Variants in MAST4 observed in about 807,000 individuals in gnomAD.
MAST4 encodes the protein microtubule associated serine/threonine kinase family member 4, also known as microtubule-associated serine/threonine-protein kinase 4.
Under a neutral mutation model 162.7 loss-of-function variants are expected in MAST4, and 89 were observed. That is an observed-to-expected ratio of 0.55 (90% CI 0.46 to 0.65). The LOEUF (loss-of-function observed/expected upper bound fraction) is 0.65, where lower values mean the gene tolerates loss of function less well. Ranked by LOEUF, MAST4 falls within the 30% of genes least tolerant of loss-of-function variation. The pLI is 0.00. For missense variants in MAST4, 3,153 were observed against 3,374.0 expected, an observed-to-expected ratio of 0.93 and a Z score of 1.62; for synonymous variants, 1,479 against 1,361.1, an observed-to-expected ratio of 1.09 and a Z score of -1.91.
intron 3 of MAST4, among the ~76,000 whole-genome samples, chr5:66,805,593 A>G (rs1389691300): frequency 2.6e-5 from 4 of 152,174 alleles, no homozygotes; most frequent in South Asian, 4.1e-4. Context: ...TTGGGTTGTC[A>G]TTGGGGAATC....
chr5:66,618,190 C>G (rs1743840538), intron 1 of MAST4, among the ~76,000 whole-genome samples: 1 of 152,212 alleles, frequency 6.6e-6, no homozygotes, highest in Non-Finnish European at 1.5e-5. Flanking sequence ...ACGGCCTTTT[C>G]TGCGCAGGAA....
intron 4 of MAST4, among the ~76,000 whole-genome samples, chr5:67,040,136 A>G (rs1400307444): frequency 9.9e-5 from 15 of 152,186 alleles, no homozygotes; most frequent in Admixed American, 9.8e-4. Flanking sequence ...GATGCTTCAT[A>G]TCACAAATCT....
rs532463030 is a variant in MAST4 at position 67,164,378 on chromosome 5, G to T, written c.5199G>T (p.Pro1733=). ...CCACGGGTGGGCAGCAGGAGCCCCC[G>T]CCGGCTTCTGAGAGCCGAGCTTTTG... ...VRPTGGQQEP[P]PASESRAFVS... The change falls in exon 29 of 29, where the codon CCG becomes CCT. Residue 1733 remains proline (P), a synonymous_variant. Transcript: ENST00000403625. The surrounding 1 kb of genome is among the most constrained non-coding windows in gnomAD (Gnocchi z 5.3). 1.7e-5 allele frequency: 28 copies of T among 1,613,970 alleles called. No homozygotes were observed. In the East Asian group the frequency reaches 5.8e-4, roughly 33 times the overall value.
At position 67,032,669 on chromosome 5, in the gene MAST4, G is replaced by A. The variant is rs58082347; in HGVS notation, c.675-21735G>A. Among the ~76,000 whole-genome samples, 447 of 152,226 alleles carry A rather than the reference G, an allele frequency of 2.9e-3. 15 individuals are homozygous for A. The East Asian group carries it at 0.076, about 26-fold the overall frequency. On this transcript the variant is annotated intron_variant, in intron 4 of 28. Coordinates refer to ENST00000403625, the MANE Select transcript of MAST4 (RefSeq NM_001164664.2). ...AGCATAGTCTGGTCTGTCTGGATCA[G>A]TGGTTTACCTATTTCATATGGTCAC...
At chr5:66,682,715 A>G (rs1324800441) in intron 1 of MAST4, among the ~76,000 whole-genome samples, 1 of 152,224 alleles carries the variant, frequency 6.6e-6, no homozygotes, top group East Asian at 1.9e-4. Flanking sequence ...GTAGGGAACA[A>G]ATAACTGCAT....
intron 13 of MAST4, among the ~76,000 whole-genome samples, 195 bp downstream of exon 13, chr5:67,118,944 C>G (rs1378315569): frequency 6.6e-6 from 1 of 152,130 alleles, no homozygotes; most frequent in East Asian, 1.9e-4. Flanking sequence ...CATAGTCTGT[C>G]CAGTCCCAGA....
chr5:66,808,057 T>C (rs1007163104), intron 3 of MAST4, among the ~76,000 whole-genome samples: 5 of 152,230 alleles, frequency 3.3e-5, no homozygotes, highest in Non-Finnish European at 5.9e-5. Context: ...TTTGAAACTC[T>C]GCAGACAGTC....
rs574477723 is a variant in MAST4, at chr5:66,822,170, G to A, written c.642+33376G>A. ...CATGGGGACTGGCTCTCAGCACCTG[G>A]TACTTCTAAGTACACTGGGGAGGCA... On this transcript the variant is annotated intron_variant, in intron 3 of 28. Transcript: ENST00000403625. 3.3e-5 allele frequency among the ~76,000 whole-genome samples: 5 copies of A among 152,312 alleles called. No individual in the cohort carries two copies. The South Asian group carries it at 6.2e-4, about 19-fold the overall frequency.
intron 3 of MAST4, among the ~76,000 whole-genome samples, chr5:66,876,941 A>T (rs2149891463): frequency 6.6e-6 from 1 of 152,360 alleles, no homozygotes; most frequent in East Asian, 1.9e-4. Flanking sequence ...AAGCTTAAAA[A>T]ATCAATTCTG....
At chr5:67,077,487 C>T (rs1265781488) in intron 5 of MAST4, among the ~76,000 whole-genome samples, 1 of 152,204 alleles carries the variant, frequency 6.6e-6, no homozygotes, top group Non-Finnish European at 1.5e-5. Flanking sequence ...TGACGAATCA[C>T]CTGGAGTACT....
chr5:66,788,738 G>C lies in MAST4; in HGVS notation c.586G>C (p.Val196Leu), dbSNP rs369899614. The C allele has an allele frequency of 2.2e-5, 35 of 1,612,808 alleles. No homozygotes were observed. In the African/African-American group the frequency reaches 3.5e-4, roughly 16 times the overall value. The change falls in exon 3 of 29, where the codon GTG becomes CTG. Residue 196 changes from valine to leucine, a missense_variant. Transcript: ENST00000403625. ...WPASAETSNL[V>L]RMRSQALGQS... ...GGCCTCTGCAGAGACGTCCAACCTC[G>C]TGCGCATGCGCAGCCAGGCCCTGGG...
chr5:66,678,579 C>T (rs1748111701), intron 1 of MAST4, among the ~76,000 whole-genome samples: 1 of 151,844 alleles, frequency 6.6e-6, no homozygotes, highest in South Asian at 2.1e-4. Context: ...ACTGCAACCT[C>T]TGCCTCCTGG....
At chr5:66,943,469 G>A (rs565385763) in intron 4 of MAST4, among the ~76,000 whole-genome samples, 1 of 152,132 alleles carries the variant, frequency 6.6e-6, no homozygotes, top group African/African-American at 2.4e-5. Context: ...ATTGAGTACA[G>A]GGAAGTTTCA....
Position 67,149,714 on chromosome 5 carries a change from A to G in MAST4, c.3295+125A>G, listed in dbSNP as rs1183625663. 5 of 970,768 alleles carry G rather than the reference A, an allele frequency of 5.2e-6. No homozygotes were observed. The East Asian group carries it at 7.8e-5, about 15-fold the overall frequency. 60.1% of individuals were successfully genotyped at this position (970,768 alleles called of 1,614,324 possible). On this transcript the variant is annotated intron_variant, in intron 24 of 28. Coordinates refer to ENST00000403625, the MANE Select transcript of MAST4 (RefSeq NM_001164664.2). Reference sequence around the variant, plus strand: ...AAGTAATAACGGGTCATGTCCCAGGACAGCTCTTGAGAGCTTCTGCCTGCA... The same window carrying G: ...AAGTAATAACGGGTCATGTCCCAGGGCAGCTCTTGAGAGCTTCTGCCTGCA...
intron 3 of MAST4, among the ~76,000 whole-genome samples, chr5:66,848,692 C>T (rs1235065276): frequency 6.6e-6 from 1 of 152,164 alleles, no homozygotes; most frequent in Admixed American, 6.6e-5. Flanking sequence ...GAAAATCCCG[C>T]CTAGTGATTT....
In MAST4 at chr5:66,981,467, C is replaced by A. The variant is rs111890385; in HGVS notation, c.675-72937C>A. ...AGTGGCTGAAAACTGTATAATCAATCAGCAGTATTTACTGCGGTGATGGAA... is the reference window on the plus strand; with the variant it reads ...AGTGGCTGAAAACTGTATAATCAATAAGCAGTATTTACTGCGGTGATGGAA... On this transcript the variant is annotated intron_variant, in intron 4 of 28. Coordinates refer to ENST00000403625, the MANE Select transcript of MAST4 (RefSeq NM_001164664.2). Among the ~76,000 whole-genome samples, 199 of 152,268 alleles carry A rather than the reference C, an allele frequency of 1.3e-3. 1 individual carries two copies. Among genetic ancestry groups the A allele is most frequent in the Non-Finnish European group, 2.1e-3 (143 of 68,016 alleles).
chr5:66,958,488 C>T (rs1745593157), intron 4 of MAST4, among the ~76,000 whole-genome samples: 1 of 152,110 alleles, frequency 6.6e-6, no homozygotes, highest in East Asian at 1.9e-4. Context: ...TACAGCACTG[C>T]GATCTTAAAA....
intron 4 of MAST4, among the ~76,000 whole-genome samples, chr5:66,980,848 TA>T (rs1456004236): frequency 6.6e-6 from 1 of 152,146 alleles, no homozygotes; most frequent in Non-Finnish European, 1.5e-5. Context: ...CTAGAAAGTG[TA>T]GGTATTCTGG....
chr5:67,060,502 C>T (rs1178516032), intron 5 of MAST4, among the ~76,000 whole-genome samples: 1 of 119,464 alleles, frequency 8.4e-6, no homozygotes, highest in Non-Finnish European at 1.7e-5. Flanking sequence ...TTTTTTGAGA[C>T]AGTCTTGCTC....
Sources: allele counts gnomAD v4.1 joint callset (sites outside exome capture counted in the v4.1 genomes callset), GRCh38; gene constraint gnomAD v4.1.1; non-coding constraint Gnocchi (gnomAD v3.1); transcripts MANE v1.5; gene names NCBI Gene and HGNC (gene_info 2026-07-23, HGNC 2026-07-21).